The following MEGF11 variants were observed in gnomAD, a reference collection of about 807,000 sequenced individuals.
MEGF11 encodes multiple epidermal growth factor-like domains protein 11.
Under a neutral mutation model 146.6 loss-of-function variants are expected in MEGF11, and 126 were observed. That is an observed-to-expected ratio of 0.86 (90% CI 0.74 to 1.00). MEGF11 has a LOEUF of 1.00. MEGF11 is among the 50% of genes least tolerant of loss of function. MEGF11 has a pLI of 0.00. For missense variants in MEGF11, 1,509 were observed against 1,521.2 expected (o/e 0.99, Z 0.13); for synonymous variants, 532 against 583.4 (o/e 0.91, Z 1.27).
chr15:66,023,043 C>T (rs2083208606), intron 5 of MEGF11, among the ~76,000 whole-genome samples: 1 of 147,814 alleles, frequency 6.8e-6, no homozygotes, highest in Admixed American at 6.9e-5. Flanking sequence ...ATCCCACAGG[C>T]TGAGGGAGAA....
At chr15:66,157,502 C>T (rs190161757) in intron 1 of MEGF11, among the ~76,000 whole-genome samples, 1 of 152,288 alleles carries the variant, frequency 6.6e-6, no homozygotes, top group East Asian at 1.9e-4. Context: ...GAGAAGGGCA[C>T]CTACTATGTA....
chr15:66,211,340 G>T (rs377623262), intron 1 of MEGF11, among the ~76,000 whole-genome samples: 1 of 151,964 alleles, frequency 6.6e-6, no homozygotes, highest in East Asian at 1.9e-4. Context: ...TGGCTAACAC[G>T]GTGAAACCCC....
intron 1 of MEGF11, among the ~76,000 whole-genome samples, chr15:66,211,290 A>T (rs112462909): frequency 1.3e-5 from 2 of 152,168 alleles, no homozygotes; most frequent in Non-Finnish European, 2.9e-5. Flanking sequence ...TTGGGAGGCC[A>T]AGGTGGGCGG....
intron 1 of MEGF11, among the ~76,000 whole-genome samples, chr15:66,144,026 A>T (rs1303173527): frequency 1.3e-5 from 2 of 152,100 alleles, no homozygotes; most frequent in African/African-American, 4.8e-5. Context: ...CCCATCAGAG[A>T]GCTCAGGGCA....
At chr15:66,106,871 G>C (rs1469310561) in intron 4 of MEGF11, among the ~76,000 whole-genome samples, 1 of 152,114 alleles carries the variant, frequency 6.6e-6, no homozygotes, top group Non-Finnish European at 1.5e-5. Context: ...ACACTGAATG[G>C]TAAAATATTA....
chr15:65,941,895 C>T (rs922999040), intron 10 of MEGF11, among the ~76,000 whole-genome samples: 3 of 152,230 alleles, frequency 2.0e-5, no homozygotes, highest in Non-Finnish European at 2.9e-5. Flanking sequence ...TGGCTTAGGG[C>T]AGACCCACAC....
intron 5 of MEGF11, among the ~76,000 whole-genome samples, chr15:66,057,497 G>T (rs1286271763): frequency 5.9e-5 from 9 of 152,080 alleles, no homozygotes. Flanking sequence ...CTCAAATTAG[G>T]TCTCCCAGTT....
intron 1 of MEGF11, among the ~76,000 whole-genome samples, chr15:66,187,617 T>C (rs2090745070): frequency 6.6e-6 from 1 of 152,168 alleles, no homozygotes; most frequent in South Asian, 2.1e-4. Flanking sequence ...CAAAGCACGG[T>C]CTCTCCTACC....
chr15:66,137,557 TTC>T lies in MEGF11; in HGVS notation c.-8-9148_-8-9147del, dbSNP rs1491411661. Among the ~76,000 whole-genome samples the T allele has an allele frequency of 1.2e-4, 12 of 99,074 alleles. No homozygotes were observed. The Admixed American group carries it at 1.4e-3, about 11-fold the overall frequency. 65.0% of individuals were successfully genotyped at this position (99,074 alleles called of 152,430 possible). A position where few individuals can be genotyped will look rare whatever the true frequency, so the allele number is the denominator to read the frequency against. On this transcript the variant is annotated intron_variant, in intron 1 of 25. Transcript: ENST00000395614. Reference sequence around the variant, plus strand: ...ATGATGATATTTTGGGTGACTTTCTTTCTTTTTTTTTTTTTTTGAGACAGCAT... The same window carrying T: ...ATGATGATATTTTGGGTGACTTTCTTTTTTTTTTTTTTTTTGAGACAGCAT...
intron 5 of MEGF11, among the ~76,000 whole-genome samples, chr15:66,018,848 G>T (rs1450146580): frequency 6.6e-6 from 1 of 152,202 alleles, no homozygotes; most frequent in African/African-American, 2.4e-5. Context: ...GAGGCCAGAG[G>T]CCGGGAAGCC....
intron 7 of MEGF11, among the ~76,000 whole-genome samples, chr15:65,980,248 G>C (rs2081585477): frequency 6.6e-6 from 1 of 152,226 alleles, no homozygotes; most frequent in South Asian, 2.1e-4. Flanking sequence ...GGCTCAGAGA[G>C]GTGAGTAACT....
At chr15:65,955,642 G>C (rs1401925574) in intron 10 of MEGF11, among the ~76,000 whole-genome samples, 1 of 144,812 alleles carries the variant, frequency 6.9e-6, no homozygotes, top group Non-Finnish European at 1.5e-5. Flanking sequence ...TACTTAGGAG[G>C]CTGAGGCACG....
chr15:66,244,246 G>A (rs935005887), intron 1 of MEGF11, among the ~76,000 whole-genome samples: 1 of 152,120 alleles, frequency 6.6e-6, no homozygotes, highest in Non-Finnish European at 1.5e-5. Flanking sequence ...AAGGCTCTAT[G>A]TCCTGCCCAC....
chr15:66,018,724 G>C (rs2082985769), intron 5 of MEGF11, among the ~76,000 whole-genome samples: 1 of 152,146 alleles, frequency 6.6e-6, no homozygotes, highest in Non-Finnish European at 1.5e-5. Context: ...AGTGTGTGTG[G>C]GGTTGTGGAA....
chr15:66,192,237 G>T (rs2090901869), intron 1 of MEGF11, among the ~76,000 whole-genome samples: 1 of 151,954 alleles, frequency 6.6e-6, no homozygotes, highest in African/African-American at 2.4e-5. Context: ...AGAGGCCGAG[G>T]CGGGGAGATC....
In MEGF11 at chr15:66,151,130, G is replaced by A. The variant is rs180727194; in HGVS notation, c.-8-22719C>T. Among the ~76,000 whole-genome samples, 8 of 152,226 alleles carry A rather than the reference G, an allele frequency of 5.3e-5. No individual in the cohort carries two copies. The East Asian group carries it at 1.5e-3, about 29-fold the overall frequency. On this transcript the variant is annotated intron_variant, in intron 1 of 25. Transcript: ENST00000395614. ...ACTTGGAATTCCCTGAGTAGGAGAG[G>A]AGTGTCCTGACCAGCTGAGACACCC...
At chr15:66,147,054 G>A (rs989951776) in intron 1 of MEGF11, among the ~76,000 whole-genome samples, 1 of 152,172 alleles carries the variant, frequency 6.6e-6, no homozygotes, top group Admixed American at 6.5e-5. Flanking sequence ...TAGCCCAATT[G>A]TAGCCGCTAG....
In MEGF11 at chr15:65,998,860, T is replaced by A. The variant is rs942649829; in HGVS notation, c.395-16372A>T. 8.5e-5 allele frequency among the ~76,000 whole-genome samples: 13 copies of A among 152,160 alleles called. No homozygotes were observed. In the South Asian group the frequency reaches 2.7e-3, roughly 32 times the overall value. ...GGCCCACAGCAGCAGGAGGCTTCATTAAGCAGGACATCTACATTTTCTGCT... is the reference window on the plus strand; with the variant it reads ...GGCCCACAGCAGCAGGAGGCTTCATAAAGCAGGACATCTACATTTTCTGCT... On this transcript the variant is annotated intron_variant, in intron 5 of 25. Transcript: ENST00000395614.
intron 5 of MEGF11, among the ~76,000 whole-genome samples, chr15:66,028,940 C>T (rs1483540506): frequency 6.6e-6 from 1 of 152,106 alleles, no homozygotes; most frequent in Non-Finnish European, 1.5e-5. Flanking sequence ...TGTTGTAATG[C>T]CATTTTCACA....
Sources: gnomAD v4.1 joint callset for allele counts (sites outside exome capture counted in the v4.1 genomes callset) on GRCh38, gnomAD v4.1.1 for gene constraint, MANE v1.5 for transcripts, NCBI Gene and HGNC (gene_info 2026-07-23, HGNC 2026-07-21) for gene names.